The following ARHGEF28 variants were observed in gnomAD, a reference collection of about 807,000 sequenced individuals.
ARHGEF28 encodes the protein 190 kDa guanine nucleotide exchange factor.
Under a neutral mutation model 206.6 loss-of-function variants are expected in ARHGEF28, and 152 were observed. The ratio of observed to expected loss-of-function variants is 0.74; its 90% CI spans 0.64 to 0.84. The LOEUF (loss-of-function observed/expected upper bound fraction) is 0.84, where lower values mean the gene tolerates loss of function less well. ARHGEF28 is among the 40% of genes least tolerant of loss of function. The pLI, the probability that ARHGEF28 is intolerant of heterozygous loss-of-function variation, is 0.00. For synonymous variants in ARHGEF28, 763 were observed against 776.4 expected (o/e 0.98, Z 0.29); for missense variants, 2,028 against 2,073.2 (o/e 0.98, Z 0.42).
intron 17 of ARHGEF28, among the ~76,000 whole-genome samples, 200 bp from the exon 18 acceptor site, chr5:73,865,765 C>T (rs1053142592): frequency 1.3e-5 from 2 of 152,126 alleles, no homozygotes; most frequent in Admixed American, 6.6e-5. Flanking sequence ...GTTCACAAGG[C>T]CCCTTCATTA....
chr5:73,721,158 G>A (rs1036650525), intron 2 of ARHGEF28, among the ~76,000 whole-genome samples: 1 of 152,166 alleles, frequency 6.6e-6, no homozygotes, highest in African/African-American at 2.4e-5. Context: ...TGGAAGAGCA[G>A]GGGAAGCCAC....
intron 4 of ARHGEF28, among the ~76,000 whole-genome samples, chr5:73,762,455 C>CAAAAAAAAAAAA (rs35028103): frequency 3.0e-5 from 2 of 66,864 alleles, no homozygotes; most frequent in African/African-American, 4.4e-5. Context: ...GACTCCCTCT[C>CAAAAAAAAAAAA]AAAAAAAAAA....
intron 2 of ARHGEF28, among the ~76,000 whole-genome samples, chr5:73,728,105 C>G (rs1021326949): frequency 2.6e-5 from 4 of 152,200 alleles, no homozygotes; most frequent in Non-Finnish European, 5.9e-5. Context: ...CTGTTGAGGT[C>G]TTTCTGAGAC....
rs1742632649 is a variant in ARHGEF28, at chr5:73,941,660, C to G, written c.*647C>G. The stretch of plus-strand genomic sequence containing the variant: ...GTTCAGCATCATCTTTTAACAAGGC[C>G]CAGAGGCCCAGAGCCCCCATCAAGT... On this transcript the variant is annotated 3_prime_UTR_variant, in exon 36 of 36. Transcript: ENST00000513042. The G allele has an allele frequency of 6.6e-6, 1 of 152,192 alleles. No homozygotes were observed. Among genetic ancestry groups the G allele is most frequent in the South Asian group, 2.1e-4 (1 of 4,804 alleles). 9.4% of individuals were successfully genotyped at this position (152,192 alleles called of 1,614,324 possible).
intron 1 of ARHGEF28, among the ~76,000 whole-genome samples, chr5:73,641,798 G>A (rs1744125405): frequency 2.0e-5 from 3 of 152,160 alleles, no homozygotes; most frequent in Admixed American, 2.0e-4. Context: ...TTTTCATCAG[G>A]TATGGAAAGA....
intron 35 of ARHGEF28, among the ~76,000 whole-genome samples, chr5:73,915,612 A>G (rs1763166414): frequency 6.6e-6 from 1 of 152,216 alleles, no homozygotes; most frequent in South Asian, 2.1e-4. Context: ...GAGATGCTCA[A>G]CAGCATTACT....
chr5:73,711,625 A>G (rs886956431), intron 2 of ARHGEF28, among the ~76,000 whole-genome samples: 2 of 152,078 alleles, frequency 1.3e-5, no homozygotes, highest in African/African-American at 2.4e-5. Context: ...CCAGTTGTTC[A>G]TTGCTAGTAT....
rs1748172779 is a variant in ARHGEF28 at position 73,695,761 on chromosome 5, G to GC, written c.33+10881dup. 2.0e-5 allele frequency among the ~76,000 whole-genome samples: 3 copies of GC among 152,170 alleles called. No homozygotes were observed. In the East Asian group the frequency reaches 5.8e-4, roughly 29 times the overall value. Reference sequence around the variant, plus strand: ...TGTTCTAATTCACCTTTGGATTATTGCCCCTGGCCTCTTCAGAGTTGCCAT... The same window carrying GC: ...TGTTCTAATTCACCTTTGGATTATTGCCCCCTGGCCTCTTCAGAGTTGCCAT... On this transcript the variant is annotated intron_variant, in intron 2 of 35. Coordinates refer to ENST00000513042, the MANE Select transcript of ARHGEF28 (RefSeq NM_001177693.2).
intron 1 of ARHGEF28, among the ~76,000 whole-genome samples, chr5:73,653,672 T>C (rs942218831): frequency 6.6e-6 from 1 of 152,226 alleles, no homozygotes; most frequent in Non-Finnish European, 1.5e-5. Context: ...TGCTGAAATG[T>C]GCCTCCTCTC....
chr5:73,812,681 G>A lies in ARHGEF28; in HGVS notation c.1024+17290G>A, dbSNP rs59611140. Among the ~76,000 whole-genome samples the A allele has an allele frequency of 3.5e-3, 534 of 152,068 alleles. 8 individuals carry two copies. The highest frequency in any genetic ancestry group is 0.011 in the African/African-American group (444 of 41,446). On this transcript the variant is annotated intron_variant, in intron 9 of 35. Transcript: ENST00000513042. ...TTACTGGAGAATTGTTCAGGGAGACGGCAAGAACTGTTGGTTTGTGGTAAA... is the reference window on the plus strand; with the variant it reads ...TTACTGGAGAATTGTTCAGGGAGACAGCAAGAACTGTTGGTTTGTGGTAAA...
intron 9 of ARHGEF28, among the ~76,000 whole-genome samples, chr5:73,813,054 A>G (rs1034938619): frequency 2.6e-5 from 4 of 152,098 alleles, no homozygotes; most frequent in Non-Finnish European, 2.9e-5. Context: ...GCTGGCCTTC[A>G]TTTGCCTGGG....
At chr5:73,871,084 C>G (rs1396749383) in intron 21 of ARHGEF28, among the ~76,000 whole-genome samples, 1 of 152,192 alleles carries the variant, frequency 6.6e-6, no homozygotes, top group African/African-American at 2.4e-5. Flanking sequence ...TGCTGTCCCT[C>G]TTAGTATTTC....
intron 1 of ARHGEF28, among the ~76,000 whole-genome samples, chr5:73,671,366 G>A (rs1004234100): frequency 1.3e-5 from 2 of 151,904 alleles, no homozygotes; most frequent in African/African-American, 2.4e-5. Context: ...TACCTTAAAC[G>A]TTGATAGATT....
At chr5:73,707,961 GT>G (rs1234948070) in intron 2 of ARHGEF28, among the ~76,000 whole-genome samples, 1 of 151,758 alleles carries the variant, frequency 6.6e-6, no homozygotes, top group African/African-American at 2.4e-5. Context: ...TTCACTCTTT[GT>G]TTATGACTTT....
In ARHGEF28 at chr5:73,800,011, T is replaced by A. The variant is rs543944524; in HGVS notation, c.1024+4620T>A. On this transcript the variant is annotated intron_variant, in intron 9 of 35. Transcript: ENST00000513042. ...GCAAAGTAAGCCTCTTGGAAAAAAA[T>A]TATGTTAGTCTTCTATAATTATAGA... Among the ~76,000 whole-genome samples, 7 of 152,152 alleles carry A rather than the reference T, an allele frequency of 4.6e-5. No individual in the cohort carries two copies. In the East Asian group the frequency reaches 1.2e-3, roughly 25 times the overall value.
chr5:73,691,501 A>G (rs1338098641), intron 2 of ARHGEF28, among the ~76,000 whole-genome samples: 3 of 152,114 alleles, frequency 2.0e-5, no homozygotes, highest in South Asian at 2.1e-4. Context: ...AGAAATGCAA[A>G]TTCTCAGACC....
intron 35 of ARHGEF28, among the ~76,000 whole-genome samples, chr5:73,940,282 C>G (rs866674603): frequency 5.9e-5 from 9 of 152,306 alleles, no homozygotes; most frequent in Middle Eastern, 6.8e-3. Context: ...TTGATTTTCC[C>G]TAGGAACCTG....
At chr5:73,805,999 T>C (rs943964737) in intron 9 of ARHGEF28, among the ~76,000 whole-genome samples, 16 of 151,422 alleles carry the variant, frequency 1.1e-4, no homozygotes, top group African/African-American at 3.4e-4. Flanking sequence ...TTTGTTAAAC[T>C]CTTTGCTCAT....
chr5:73,872,705 T>C (rs764118167), intron 21 of ARHGEF28, among the ~76,000 whole-genome samples: 4 of 152,234 alleles, frequency 2.6e-5, no homozygotes, highest in Non-Finnish European at 5.9e-5. Context: ...AGTTCCTAGC[T>C]GAAGGTATCT....
Sources: allele counts gnomAD v4.1 joint callset (sites outside exome capture counted in the v4.1 genomes callset), GRCh38; gene constraint gnomAD v4.1.1; transcripts MANE v1.5; gene names NCBI Gene and HGNC (gene_info 2026-07-23, HGNC 2026-07-21).